Variants in TNNT2 observed in about 807,000 individuals in gnomAD.
TNNT2 encodes troponin T, cardiac muscle.
Under a neutral mutation model 62.4 loss-of-function variants are expected in TNNT2, and 34 were observed. That is an observed-to-expected ratio of 0.54 (90% CI 0.41 to 0.72). TNNT2 has a LOEUF of 0.72. Ranked by LOEUF, TNNT2 falls within the 30% of genes least tolerant of loss-of-function variation. The probability of loss-of-function intolerance (pLI) is 0.00; values close to 1 mark genes in which losing one functional copy is unlikely to be tolerated. For synonymous variants in TNNT2, 123 were observed against 127.2 expected, an observed-to-expected ratio of 0.97 and a Z score of 0.22; for missense variants, 275 against 381.9, an observed-to-expected ratio of 0.72 and a Z score of 2.33.
chr1:201,369,710 C>A (rs1261400801), intron 5 of TNNT2, 106 bp downstream of exon 5: 8 of 1,406,314 alleles, frequency 5.7e-6, no homozygotes, highest in Non-Finnish European at 8.1e-6. Context: ...TCCGTCCCTG[C>A]CGCCTACTCA....
rs1387765771 is a variant in TNNT2 at position 201,363,288 on chromosome 1, C to G, written c.600+8G>C. 2.5e-6 allele frequency: 4 copies of G among 1,614,006 alleles called. No homozygotes were observed. Among genetic ancestry groups the G allele is most frequent in the Admixed American group, 1.7e-5 (1 of 60,006 alleles). On this transcript the variant is annotated splice_region_variant and intron_variant, in intron 12 of 16. Coordinates refer to ENST00000656932, the MANE Select transcript of TNNT2 (RefSeq NM_001276345.2). ...ATCTCCTGGCAACCCCTGCTGCTCC[C>G]TACCTACCTTCTGGATGTAACCCCC...
intron 8 of TNNT2, chr1:201,366,365 C>T (rs945577032): frequency 1.8e-5 from 16 of 870,510 alleles, no homozygotes; most frequent in Admixed American, 2.0e-4. Context: ...ATCCCCCAGC[C>T]CCCCCCAGCA....
chr1:201,367,935 A>T, intron 6 of TNNT2, 129 bp from the exon 7 acceptor site: 1 of 1,183,496 alleles, frequency 8.4e-7, no homozygotes, highest in Middle Eastern at 1.9e-4. Flanking sequence ...TTGGGGTTAC[A>T]GAGCTGTCTC....
At chr1:201,366,060 C>T in intron 8 of TNNT2, 5 of 1,154,450 alleles carry the variant, frequency 4.3e-6, no homozygotes, top group Non-Finnish European at 5.4e-6. Context: ...CAGAAACTGG[C>T]CATGAACCTG....
intron 7 of TNNT2, 178 bp downstream of exon 7, chr1:201,367,593 C>T: frequency 1.3e-6 from 1 of 746,316 alleles, no homozygotes; most frequent in Non-Finnish European, 2.4e-6. Flanking sequence ...GGAGAAGGGG[C>T]AAAGTTGAAA....
chr1:201,366,809 C>G (rs45480195), intron 8 of TNNT2, 29 bp downstream of exon 8: 1 of 1,614,066 alleles, frequency 6.2e-7, no homozygotes, highest in African/African-American at 1.3e-5. Context: ...CCTCTGCTCC[C>G]GGCTCTACCC....
intron 5 of TNNT2, 77 bp from the exon 6 acceptor site, chr1:201,368,304 G>A (rs2102284590): frequency 1.3e-6 from 2 of 1,485,498 alleles, no homozygotes; most frequent in Middle Eastern, 1.7e-4. Flanking sequence ...CAGAGAATGG[G>A]CAGCGGGGAG....
In TNNT2 at chr1:201,377,532, ACT is replaced by A. The variant is rs538527719; in HGVS notation, c.-15+89_-15+90del. ...CATGGACTTCTGCGGACACAGGCAGACTCTGGGTAAATATGCCAGGGCCCAAG... is the reference window on the plus strand; with the variant it reads ...CATGGACTTCTGCGGACACAGGCAGACTGGGTAAATATGCCAGGGCCCAAG... On this transcript the variant is annotated intron_variant, in intron 1 of 16. Transcript: ENST00000656932. 174 of 456,020 alleles carry A rather than the reference ACT, an allele frequency of 3.8e-4. 1 individual carries two copies. The highest frequency in any genetic ancestry group is 3.3e-3 in the African/African-American group (167 of 50,070). 28.2% of individuals were successfully genotyped at this position (456,020 alleles called of 1,614,324 possible).
intron 14 of TNNT2, among the ~76,000 whole-genome samples, chr1:201,361,649 C>T (rs1422196945): frequency 6.6e-6 from 1 of 152,236 alleles, no homozygotes; most frequent in African/African-American, 2.4e-5. Flanking sequence ...TAGTTCAATC[C>T]CCTGTCCTGA....
chr1:201,360,799 C>T (rs188470803), intron 15 of TNNT2: 1 of 209,360 alleles, frequency 4.8e-6, no homozygotes, highest in African/African-American at 2.3e-5. Flanking sequence ...ATTTCCTTGC[C>T]TGGTGTCTGT....
chr1:201,375,773 G>C (rs574446262), intron 1 of TNNT2, among the ~76,000 whole-genome samples: 1 of 152,336 alleles, frequency 6.6e-6, no homozygotes, highest in East Asian at 1.9e-4. Context: ...TGCATGGCCA[G>C]CCTGGGCGCA....
rs1348711142 is a variant in TNNT2, at chr1:201,364,318, C to T, written c.469G>A (p.Glu157Lys). ...QQRIRNEREK[E>K]RQNRLAEERA... ...CTCACAGCCAGGCGGTTCTGCCGCT[C>T]CTTCTCCCGCTCATTCCGGATGCGC... is the stretch of plus-strand genomic sequence containing the variant. The change falls in exon 11 of 17, where the codon GAG becomes AAG. Residue 157 changes from glutamate (E) to lysine (K), a missense_variant. Glu to Lys is a moderately conservative substitution (Grantham distance 56). Coordinates refer to ENST00000656932, the MANE Select transcript of TNNT2 (RefSeq NM_001276345.2). 1 of 1,613,110 alleles carries T rather than the reference C, an allele frequency of 6.2e-7. No individual in the cohort carries two copies. Among genetic ancestry groups the T allele is most frequent in the South Asian group, 1.1e-5 (1 of 90,970 alleles).
intron 3 of TNNT2, 48 bp from the exon 4 acceptor site, chr1:201,372,089 G>C: frequency 6.2e-7 from 1 of 1,614,112 alleles, no homozygotes; most frequent in South Asian, 1.1e-5. Context: ...GAAGAGGTGG[G>C]TCAGTTTCGA....
Position 201,365,195 on chromosome 1 carries a change from C to A in TNNT2, c.407G>T (p.Arg136Met), listed in dbSNP as rs1659424789. The A allele has an allele frequency of 6.2e-7, 1 of 1,613,462 alleles. No individual in the cohort carries two copies. The highest frequency in any genetic ancestry group is 1.7e-5 in the Admixed American group (1 of 60,008). ...GTGGGCAGACTGGACACCTACGATC[C>A]TGTCTTTGAGAGAAACGAGCTCCTC... Reference protein sequence around the residue: ...EEEELVSLKDRIERRRAERAE... With the variant: ...EEEELVSLKDMIERRRAERAE... Residue 136 changes from arginine to methionine, a missense_variant, in exon 10 of 17, where the codon AGG (arginine) becomes ATG (methionine). Physicochemically the swap from Arg to Met is moderately conservative, Grantham distance 91 (BLOSUM62 -1). Transcript: ENST00000656932.
chr1:201,365,634 G>A lies in TNNT2; in HGVS notation c.270C>T (p.Pro90=), dbSNP rs140245123. Residue 90 remains proline, a synonymous_variant, in exon 9 of 17, where the codon CCC becomes CCT. Coordinates refer to ENST00000656932, the MANE Select transcript of TNNT2 (RefSeq NM_001276345.2). ...CATCAAAGTCCACTCTCTCTCCATC[G>A]GGGATCTTGGGAGGCACCAAGTTGG... ...FMPNLVPPKI[P]DGERVDFDDI... 40 of 1,613,906 alleles carry A rather than the reference G, an allele frequency of 2.5e-5. No individual in the cohort carries two copies. Among genetic ancestry groups the A allele is most frequent in the Admixed American group, 1.5e-4 (9 of 59,984 alleles).
At chr1:201,367,729 G>A in intron 7 of TNNT2, 42 bp downstream of exon 7, 7 of 1,608,580 alleles carry the variant, frequency 4.4e-6, no homozygotes, top group Non-Finnish European at 6.0e-6. Context: ...TGCTGTGAGG[G>A]GTTCCTTTGC....
At chr1:201,377,055 G>A (rs1199817314) in intron 1 of TNNT2, among the ~76,000 whole-genome samples, 1 of 152,206 alleles carries the variant, frequency 6.6e-6, no homozygotes, top group Non-Finnish European at 1.5e-5. Context: ...AGAGGACCCT[G>A]CACATCTGGT....
In TNNT2 at chr1:201,364,343, C is replaced by T. The variant is rs2102253556; in HGVS notation, c.444G>A (p.Gln148=). The part of the protein sequence containing the change: ...ERRRAERAEQ[Q]RIRNEREKER... Reference sequence around the variant, plus strand: ...CCTTCTCCCGCTCATTCCGGATGCGCTGCTGCTCGGCCCGCTCTGCCCGAC... The same window carrying T: ...CCTTCTCCCGCTCATTCCGGATGCGTTGCTGCTCGGCCCGCTCTGCCCGAC... Residue 148 remains glutamine, a synonymous_variant, in exon 11 of 17, where the codon CAG becomes CAA. Transcript: ENST00000656932. The T allele has an allele frequency of 1.9e-6, 3 of 1,613,362 alleles. No homozygotes were observed. The highest frequency in any genetic ancestry group is 1.3e-5 in the African/African-American group (1 of 75,068).
intron 8 of TNNT2, 119 bp from the exon 9 acceptor site, chr1:201,365,789 C>T: frequency 6.5e-7 from 1 of 1,549,856 alleles, no homozygotes; most frequent in Non-Finnish European, 8.7e-7. Flanking sequence ...CCCGACCAAC[C>T]ACAGCAATGA....
Sources: allele counts gnomAD v4.1 joint callset (sites outside exome capture counted in the v4.1 genomes callset), GRCh38; gene constraint gnomAD v4.1.1; transcripts MANE v1.5; gene names NCBI Gene and HGNC (gene_info 2026-07-23, HGNC 2026-07-21).